The following RGS3 variants were observed in gnomAD, a reference collection of about 807,000 sequenced individuals.
The protein encoded by RGS3 is regulator of G protein signaling 3, also known as regulator of G-protein signalling 3.
Under a neutral mutation model 132.6 loss-of-function variants are expected in RGS3, and 80 were observed. The observed-to-expected ratio is 0.60, with a 90% CI of 0.50 to 0.73. RGS3 has a LOEUF of 0.73. Among genes scored for constraint, RGS3 ranks in the 30% least tolerant of loss-of-function variants. The pLI is 0.00. For synonymous variants in RGS3, 598 were observed against 620.6 expected (o/e 0.96, Z 0.54); for missense variants, 1,382 against 1,530.8 (o/e 0.90, Z 1.62).
At chr9:113,594,008 T>C (rs764016541) in intron 21 of RGS3, 21 of 1,612,846 alleles carry the variant, frequency 1.3e-5, no homozygotes, top group Admixed American at 3.3e-5. Flanking sequence ...CACATGCCCC[T>C]TTCACGGCTC....
intron 7 of RGS3, among the ~76,000 whole-genome samples, chr9:113,487,319 G>A (rs1437149926): frequency 1.3e-5 from 2 of 150,974 alleles, no homozygotes; most frequent in African/African-American, 2.4e-5. Context: ...CACCTTGTTA[G>A]CCAGGATGGT....
At chr9:113,529,176 C>G (rs1260734366) in intron 17 of RGS3, 45 bp from the exon 16 acceptor site, 1 of 1,517,948 alleles carries the variant, frequency 6.6e-7, no homozygotes, top group Non-Finnish European at 9.2e-7. Context: ...TGCTGAGGCT[C>G]TTTATCCAGT....
exon 20 of RGS3, chr9:113,584,375 G>T (rs1315869620): frequency 5.8e-6 from 9 of 1,550,590 alleles, no homozygotes; most frequent in Middle Eastern, 1.7e-4. Flanking sequence ...GAGCTGGGCC[G>T]CAATGGTGGC....
intron 19 of RGS3, chr9:113,581,546 C>G (rs191005622): frequency 1.2e-4 from 19 of 152,382 alleles, no homozygotes; most frequent in Non-Finnish European, 7.3e-5. Context: ...TCCAACACCA[C>G]CATCTTCTGT....
intron 19 of RGS3, chr9:113,581,644 C>G (rs1834816617): frequency 6.6e-6 from 1 of 152,292 alleles, no homozygotes; most frequent in Non-Finnish European, 1.5e-5. Flanking sequence ...TACGTGGACA[C>G]CTTGAGGCCT....
At chr9:113,574,245 A>T (rs1330502151) in intron 19 of RGS3, among the ~76,000 whole-genome samples, 1 of 152,168 alleles carries the variant, frequency 6.6e-6, no homozygotes, top group African/African-American at 2.4e-5. Context: ...ATTCCTTAAA[A>T]TATCCATGCT....
chr9:113,558,375 C>T (rs538569090), intron 19 of RGS3, among the ~76,000 whole-genome samples: 20 of 152,076 alleles, frequency 1.3e-4, no homozygotes, highest in African/African-American at 4.8e-4. Flanking sequence ...TGGTGGTGGG[C>T]GCCTGTAATC....
intron 1 of RGS3, among the ~76,000 whole-genome samples, chr9:113,452,962 A>G (rs1358263688): frequency 7.3e-6 from 1 of 136,466 alleles, no homozygotes; most frequent in East Asian, 2.0e-4. Flanking sequence ...ATGATATATA[A>G]ATAAAATATA....
chr9:113,573,635 G>A (rs867735501), intron 19 of RGS3, among the ~76,000 whole-genome samples: 2 of 152,306 alleles, frequency 1.3e-5, no homozygotes, highest in Non-Finnish European at 1.5e-5. Context: ...GAAGCCACAC[G>A]CTTCTAGCTC....
chr9:113,462,849 A>G (rs2119161697), intron 3 of RGS3, among the ~76,000 whole-genome samples: 1 of 152,314 alleles, frequency 6.6e-6, no homozygotes. Flanking sequence ...GGGAACAGGG[A>G]CAAATACCAA....
At chr9:113,483,138 T>C (rs762666140) in intron 5 of RGS3, 21 bp downstream of exon 3, 67 of 1,549,902 alleles carry the variant, frequency 4.3e-5, no homozygotes, top group Admixed American at 6.7e-5. Context: ...GGGCCGGAGA[T>C]GGAGAGTGGG....
At position 113,591,506 on chromosome 9, in the gene RGS3, C is replaced by A; in HGVS notation, c.3080+109C>A. 1.1e-6 allele frequency: 1 copy of A among 947,774 alleles called. No individual in the cohort carries two copies. The highest frequency in any genetic ancestry group is 1.7e-6 in the Non-Finnish European group (1 of 587,420). The allele number at this position is 947,774 out of a possible 1,614,324, so 58.7% of individuals were successfully genotyped here. A position where few individuals can be genotyped will look rare whatever the true frequency, so the allele number is the denominator to read the frequency against. On this transcript the variant is annotated intron_variant, in intron 21 of 24. Coordinates refer to ENST00000350696, the Ensembl canonical transcript of RGS3. The surrounding 1 kb of genome is among the most constrained non-coding windows in gnomAD (Gnocchi z 4.4). The stretch of plus-strand genomic sequence containing the variant: ...GAGAAGAGGTTGTGCCTGGTCCCGC[C>A]CACAACCCCAGACAGACACCAAGGA...
In RGS3 at chr9:113,507,265, T is replaced by C. The variant is rs770145040; in HGVS notation, c.1086-22T>C. On this transcript the variant is annotated intron_variant, in intron 12 of 24. Transcript: ENST00000350696. The surrounding 1 kb of genome is among the most constrained non-coding windows in gnomAD (Gnocchi z 5.0). ...TGGCTTTCCCCAGGCTCAACCTGTCTGTGTGATCCCCCACCTTCCAGGAGC... is the reference window on the plus strand; with the variant it reads ...TGGCTTTCCCCAGGCTCAACCTGTCCGTGTGATCCCCCACCTTCCAGGAGC... The C allele has an allele frequency of 1.9e-6, 3 of 1,578,790 alleles. No individual in the cohort carries two copies. Among genetic ancestry groups the C allele is most frequent in the South Asian group, 2.4e-5 (2 of 85,052 alleles).
At chr9:113,517,150 C>T in intron 15 of RGS3, 1 of 456,222 alleles carries the variant, frequency 2.2e-6, no homozygotes, top group East Asian at 6.7e-5. Context: ...CTCAGGATGC[C>T]TCTTGGTCCT....
At chr9:113,519,720 T>A (rs779973916) in intron 16 of RGS3, among the ~76,000 whole-genome samples, 2 of 151,922 alleles carry the variant, frequency 1.3e-5, no homozygotes, top group Non-Finnish European at 2.9e-5. Context: ...TAGAGCATTC[T>A]CCCTTACACT....
chr9:113,529,227 C>T (rs1832357723), exon 18 of RGS3: 1 of 1,613,174 alleles, frequency 6.2e-7, no homozygotes, highest in African/African-American at 1.3e-5. Flanking sequence ...AAAGGTTCTT[C>T]AGAAGACCTG....
chr9:113,560,800 T>C (rs1005309579), intron 19 of RGS3, among the ~76,000 whole-genome samples: 3 of 152,162 alleles, frequency 2.0e-5, no homozygotes, highest in Admixed American at 6.5e-5. Context: ...GACACTTCCA[T>C]AGAGTTTCAA....
chr9:113,576,409 G>A (rs928571619), intron 19 of RGS3, among the ~76,000 whole-genome samples: 2 of 148,906 alleles, frequency 1.3e-5, no homozygotes, highest in African/African-American at 4.9e-5. Flanking sequence ...TTGGCTCACT[G>A]CAACCTCCGC....
chr9:113,467,541 A>G (rs1188654040), intron 3 of RGS3, among the ~76,000 whole-genome samples: 4 of 152,164 alleles, frequency 2.6e-5, no homozygotes, highest in Admixed American at 1.3e-4. Context: ...AGAAGAATGT[A>G]TTCAGATCTT....
Sources: allele counts gnomAD v4.1 joint callset (sites outside exome capture counted in the v4.1 genomes callset), GRCh38; gene constraint gnomAD v4.1.1; non-coding constraint Gnocchi (gnomAD v3.1); transcripts MANE v1.5; gene names NCBI Gene and HGNC (gene_info 2026-07-23, HGNC 2026-07-21).